Variants in CAMSAP2 observed in about 807,000 individuals in gnomAD.
CAMSAP2 encodes calmodulin regulated spectrin associated protein family member 2.
In CAMSAP2, 26 loss-of-function variants were observed where a neutral mutation model predicts 146.1. The observed-to-expected ratio is 0.18, with a 90% CI of 0.13 to 0.25. CAMSAP2 has a LOEUF of 0.25. CAMSAP2 is among the 10% of genes least tolerant of loss of function. CAMSAP2 has a pLI of 1.00. For synonymous variants in CAMSAP2, 499 were observed against 596.6 expected (o/e 0.84, Z 2.38); for missense variants, 1,381 against 1,759.3 (o/e 0.78, Z 3.85).
chr1:200,786,393 T>TC (rs1345905071), intron 2 of CAMSAP2, among the ~76,000 whole-genome samples: 2 of 151,964 alleles, frequency 1.3e-5, no homozygotes, highest in Non-Finnish European at 2.9e-5. Flanking sequence ...CTTTTTTTTT[T>TC]TTTTCTTTGA....
At chr1:200,837,464 T>C (rs752936642) in intron 6 of CAMSAP2, among the ~76,000 whole-genome samples, 3 of 152,328 alleles carry the variant, frequency 2.0e-5, no homozygotes, top group South Asian at 2.1e-4. Context: ...CATGCTGTTT[T>C]GGTTACTGTA....
intron 8 of CAMSAP2, among the ~76,000 whole-genome samples, chr1:200,846,755 GTT>G (rs1488258193): frequency 6.6e-6 from 1 of 152,182 alleles, no homozygotes; most frequent in Non-Finnish European, 1.5e-5. Context: ...AGCAAAAGAT[GTT>G]TTCAGCAGCT....
intron 1 of CAMSAP2, among the ~76,000 whole-genome samples, chr1:200,751,844 G>A (rs542119620): frequency 6.6e-6 from 1 of 152,308 alleles, no homozygotes; most frequent in African/African-American, 2.4e-5. Flanking sequence ...TGGAAATAGA[G>A]CTTGGTTATA....
chr1:200,789,483 G>A (rs971835832), intron 2 of CAMSAP2, among the ~76,000 whole-genome samples: 6 of 151,898 alleles, frequency 4.0e-5, no homozygotes, highest in African/African-American at 1.2e-4. Context: ...GAGATCAGTT[G>A]ACTTTGTTCG....
At chr1:200,847,000 A>G (rs982031724) in intron 8 of CAMSAP2, among the ~76,000 whole-genome samples, 1 of 152,202 alleles carries the variant, frequency 6.6e-6, no homozygotes, top group African/African-American at 2.4e-5. Flanking sequence ...ATATGAAAGT[A>G]CTTCAAGTTG....
rs561223908 is a variant in CAMSAP2, at chr1:200,791,313, C to T, written c.400-16063C>T. 1.2e-4 allele frequency among the ~76,000 whole-genome samples: 18 copies of T among 149,906 alleles called. 1 individual carries two copies. The South Asian group carries it at 2.9e-3, about 24-fold the overall frequency. ...TTTTAAGATTTCTTTCTTTTTTTTTCGGAATTTGGTTATGGTGTGCCTTAA... is the reference window on the plus strand; with the variant it reads ...TTTTAAGATTTCTTTCTTTTTTTTTTGGAATTTGGTTATGGTGTGCCTTAA... On this transcript the variant is annotated intron_variant, in intron 2 of 16. Transcript: ENST00000358823.
intron 1 of CAMSAP2, among the ~76,000 whole-genome samples, chr1:200,749,411 A>T (rs1054735892): frequency 2.0e-5 from 3 of 150,194 alleles, no homozygotes; most frequent in Non-Finnish European, 4.4e-5. Flanking sequence ...TTAAGGACTC[A>T]TGAATATCAT....
intron 2 of CAMSAP2, among the ~76,000 whole-genome samples, chr1:200,787,380 A>G (rs1285164598): frequency 1.3e-5 from 2 of 152,154 alleles, no homozygotes; most frequent in Non-Finnish European, 2.9e-5. Context: ...ACTTTTAGGG[A>G]TGACTTTAAG....
At chr1:200,835,560 A>C (rs1431808512) in intron 6 of CAMSAP2, among the ~76,000 whole-genome samples, 1 of 152,198 alleles carries the variant, frequency 6.6e-6, no homozygotes, top group Non-Finnish European at 1.5e-5. Flanking sequence ...AGACATTTCT[A>C]AAATAAGCCA....
chr1:200,775,759 G>T (rs1243286578), intron 2 of CAMSAP2, among the ~76,000 whole-genome samples: 1 of 152,134 alleles, frequency 6.6e-6, no homozygotes, highest in Non-Finnish European at 1.5e-5. Flanking sequence ...TCGAACTCCT[G>T]ACCTCAGGTG....
chr1:200,810,354 C>T (rs1202746356), intron 3 of CAMSAP2, among the ~76,000 whole-genome samples: 6 of 151,778 alleles, frequency 4.0e-5, no homozygotes, highest in Non-Finnish European at 5.9e-5. Flanking sequence ...CCCAGGCAGG[C>T]GGATCACCTG....
intron 2 of CAMSAP2, among the ~76,000 whole-genome samples, chr1:200,787,955 T>C (rs889322368): frequency 3.3e-5 from 5 of 152,186 alleles, no homozygotes; most frequent in African/African-American, 1.2e-4. Context: ...GGTACATTGG[T>C]TTTTTAGACA....
At chr1:200,770,996 A>T (rs1665100867) in intron 2 of CAMSAP2, among the ~76,000 whole-genome samples, 1 of 152,178 alleles carries the variant, frequency 6.6e-6, no homozygotes, top group South Asian at 2.1e-4. Context: ...TATTCTACAA[A>T]TGCATCCTGC....
chr1:200,803,184 G>T (rs772162039), intron 2 of CAMSAP2, among the ~76,000 whole-genome samples: 6 of 152,160 alleles, frequency 3.9e-5, no homozygotes, highest in Non-Finnish European at 8.8e-5. Flanking sequence ...AGTGTTGTGG[G>T]CTCTGGAGGC....
intron 1 of CAMSAP2, among the ~76,000 whole-genome samples, chr1:200,749,685 A>ATTTCATCTACATTTTACAAACTT (rs1664445175): frequency 6.6e-6 from 1 of 152,252 alleles, no homozygotes; most frequent in East Asian, 1.9e-4. Flanking sequence ...ATCTTTGAAC[A>ATTTCATCTACATTTTACAAACTT]TTTCATCTAC....
chr1:200,830,560 A>AC (rs1191316333), intron 4 of CAMSAP2, among the ~76,000 whole-genome samples: 7 of 152,228 alleles, frequency 4.6e-5, no homozygotes. Context: ...AGGATCTGGA[A>AC]CAGATACTAA....
intron 1 of CAMSAP2, among the ~76,000 whole-genome samples, chr1:200,746,464 G>T (rs569315353): frequency 6.6e-6 from 1 of 152,188 alleles, no homozygotes; most frequent in Admixed American, 6.5e-5. Context: ...GAGCGGGTTG[G>T]GGGGAAAGAA....
rs547974195 is a variant in CAMSAP2, at chr1:200,829,835, G to A, written c.646-2365G>A. On this transcript the variant is annotated intron_variant, in intron 4 of 16. Coordinates refer to ENST00000358823, the MANE Select transcript of CAMSAP2 (RefSeq NM_203459.4). ...TCACCTACTCAAAAGGCTGAGGTGG[G>A]AGAATCACCTGAGACCAGGAGGTCG... is the stretch of plus-strand genomic sequence containing the variant. Among the ~76,000 whole-genome samples the A allele has an allele frequency of 2.6e-5, 4 of 152,068 alleles. No individual in the cohort carries two copies. The South Asian group carries it at 8.3e-4, about 32-fold the overall frequency.
chr1:200,741,427 T>C (rs921632099), intron 1 of CAMSAP2, among the ~76,000 whole-genome samples: 5 of 152,242 alleles, frequency 3.3e-5, no homozygotes, highest in Non-Finnish European at 7.3e-5. Flanking sequence ...AATAGATGTA[T>C]TTTGGTTTTA....
Sources: gnomAD v4.1 joint callset for allele counts (sites outside exome capture counted in the v4.1 genomes callset) on GRCh38, gnomAD v4.1.1 for gene constraint, MANE v1.5 for transcripts, NCBI Gene and HGNC (gene_info 2026-07-23, HGNC 2026-07-21) for gene names.